Variants in ATP8A2 observed in about 807,000 individuals in gnomAD.
The protein encoded by ATP8A2 is ATPase phospholipid transporting 8A2, also known as phospholipid-transporting ATPase IB.
In ATP8A2, 100 loss-of-function variants were observed where a neutral mutation model predicts 165.6. The observed-to-expected ratio is 0.60, with a 90% CI of 0.51 to 0.71. The LOEUF (loss-of-function observed/expected upper bound fraction) is 0.71. ATP8A2 is among the 30% of genes least tolerant of loss of function. The pLI is 0.00. For synonymous variants in ATP8A2, 543 were observed against 548.8 expected (o/e 0.99, Z 0.15); for missense variants, 1,227 against 1,479.5 (o/e 0.83, Z 2.80).
intron 24 of ATP8A2, among the ~76,000 whole-genome samples, chr13:25,620,879 T>G (rs1382680889): frequency 6.6e-6 from 1 of 152,178 alleles, no homozygotes; most frequent in Admixed American, 6.5e-5. Flanking sequence ...TCACTGCTTT[T>G]TAGTAAAATT....
intron 33 of ATP8A2, among the ~76,000 whole-genome samples, chr13:25,866,488 T>G (rs1207004157): frequency 2.0e-5 from 3 of 152,150 alleles, no homozygotes; most frequent in South Asian, 2.1e-4. Flanking sequence ...TTTGAACATT[T>G]TATAGGTTCT....
chr13:25,520,579 T>G (rs2037630288), intron 2 of ATP8A2, among the ~76,000 whole-genome samples: 1 of 151,404 alleles, frequency 6.6e-6, no homozygotes, highest in African/African-American at 2.4e-5. Flanking sequence ...TTATATGGCA[T>G]TCCTATTTTT....
chr13:25,757,972 T>C (rs187976367), intron 25 of ATP8A2, among the ~76,000 whole-genome samples: 1 of 152,302 alleles, frequency 6.6e-6, no homozygotes, highest in Admixed American at 6.5e-5. Context: ...GTTGGAGGTA[T>C]TGACCCCACC....
chr13:25,791,148 A>G (rs972382515), intron 27 of ATP8A2, among the ~76,000 whole-genome samples: 30 of 152,202 alleles, frequency 2.0e-4, no homozygotes, highest in African/African-American at 6.8e-4. Flanking sequence ...ATGCCCATCA[A>G]TGATAGACTG....
intron 24 of ATP8A2, among the ~76,000 whole-genome samples, chr13:25,624,711 G>A (rs1308273168): frequency 6.6e-6 from 1 of 152,160 alleles, no homozygotes; most frequent in Non-Finnish European, 1.5e-5. Flanking sequence ...TACAAGTTGT[G>A]TGAGTTACAC....
intron 24 of ATP8A2, among the ~76,000 whole-genome samples, chr13:25,609,534 G>GGGATTCAAATGTATATATATATATTT (rs2040604081): frequency 2.4e-5 from 1 of 42,220 alleles, no homozygotes; most frequent in Non-Finnish European, 7.2e-5. Context: ...ATATATATTT[G>GGGATTCAAATGTATATATATATATTT]GGATTCAAAT....
chr13:25,998,118 T>C (rs1446420648), intron 35 of ATP8A2, among the ~76,000 whole-genome samples: 1 of 152,204 alleles, frequency 6.6e-6, no homozygotes, highest in Non-Finnish European at 1.5e-5. Context: ...AGGGTAGGGA[T>C]GGGAGCTCCT....
chr13:25,420,659 A>G (rs1195868270), intron 1 of ATP8A2, among the ~76,000 whole-genome samples: 1 of 152,226 alleles, frequency 6.6e-6, no homozygotes, highest in Non-Finnish European at 1.5e-5. Context: ...GTACATGTTT[A>G]CCTATGTAAC....
chr13:25,537,112 T>G (rs534062998), intron 6 of ATP8A2, among the ~76,000 whole-genome samples: 1 of 152,206 alleles, frequency 6.6e-6, no homozygotes, highest in Non-Finnish European at 1.5e-5. Flanking sequence ...TGGTACCATT[T>G]TGGAGACTAC....
At chr13:25,537,956 G>T (rs202168200) in intron 6 of ATP8A2, 32 bp from the exon 7 acceptor site, 16 of 1,485,824 alleles carry the variant, frequency 1.1e-5, no homozygotes, top group African/African-American at 2.8e-5. Flanking sequence ...CTTTTCTTTC[G>T]TGCCCCTCTG....
At chr13:25,915,577 G>A (rs1296616983) in intron 33 of ATP8A2, among the ~76,000 whole-genome samples, 1 of 152,220 alleles carries the variant, frequency 6.6e-6, no homozygotes, top group South Asian at 2.1e-4. Context: ...GGCACAGGGG[G>A]AGAAGTCCTG....
chr13:25,996,746 C>A (rs1222749346), intron 35 of ATP8A2, among the ~76,000 whole-genome samples: 1 of 152,110 alleles, frequency 6.6e-6, no homozygotes, highest in African/African-American at 2.4e-5. Flanking sequence ...TGCAGTGGCA[C>A]AATCTCAGCT....
intron 24 of ATP8A2, among the ~76,000 whole-genome samples, chr13:25,637,500 C>A (rs895404956): frequency 1.3e-5 from 2 of 152,198 alleles, no homozygotes; most frequent in Non-Finnish European, 2.9e-5. Flanking sequence ...CCCACAGAGC[C>A]TCACTCATTG....
intron 27 of ATP8A2, among the ~76,000 whole-genome samples, chr13:25,801,298 G>A (rs1254195563): frequency 1.3e-5 from 2 of 152,132 alleles, no homozygotes; most frequent in African/African-American, 4.8e-5. Context: ...GTCTAGACTC[G>A]CTGTCTTGGA....
chr13:25,894,284 A>C (rs529070998), intron 33 of ATP8A2, among the ~76,000 whole-genome samples: 1 of 152,346 alleles, frequency 6.6e-6, no homozygotes, highest in Admixed American at 6.5e-5. Context: ...CATTTATTAA[A>C]TAGGGAATCC....
chr13:25,816,772 G>A (rs148055955), intron 27 of ATP8A2, among the ~76,000 whole-genome samples: 46 of 152,120 alleles, frequency 3.0e-4, no homozygotes, highest in Middle Eastern at 3.4e-3. Context: ...CAGACCTTTC[G>A]CTCTACTTTC....
At chr13:25,738,333 GCCCCCCTC>G (rs1566092050) in intron 25 of ATP8A2, among the ~76,000 whole-genome samples, 1 of 43,100 alleles carries the variant, frequency 2.3e-5, no homozygotes, top group South Asian at 1.2e-3. Flanking sequence ...TTCTTTTTGT[GCCCCCCTC>G]CCCCCCCCCC....
At chr13:25,529,057 A>G (rs1317895131) in intron 2 of ATP8A2, among the ~76,000 whole-genome samples, 11 of 151,770 alleles carry the variant, frequency 7.2e-5, no homozygotes, top group Admixed American at 6.6e-4. Flanking sequence ...ATTCCCTCCC[A>G]TGAGTGAGAA....
At chr13:25,784,594 C>G (rs1320981373) in intron 27 of ATP8A2, among the ~76,000 whole-genome samples, 1 of 152,054 alleles carries the variant, frequency 6.6e-6, no homozygotes, top group Non-Finnish European at 1.5e-5. Flanking sequence ...ATCTTTTGGA[C>G]ATTTTGGTTT....
Sources: gnomAD v4.1 joint callset for allele counts (sites outside exome capture counted in the v4.1 genomes callset) on GRCh38, gnomAD v4.1.1 for gene constraint, MANE v1.5 for transcripts, NCBI Gene and HGNC (gene_info 2026-07-23, HGNC 2026-07-21) for gene names.